Variants in HTR2C observed in about 807,000 individuals in gnomAD.
HTR2C encodes 5-hydroxytryptamine (serotonin) receptor 2C, G protein-coupled.
In HTR2C, 5 loss-of-function variants were observed where a neutral mutation model predicts 21.0. The observed-to-expected ratio is 0.24, with a 90% CI of 0.12 to 0.50. The LOEUF (loss-of-function observed/expected upper bound fraction) is 0.50. Among genes scored for constraint, HTR2C ranks in the 20% least tolerant of loss-of-function variants. The pLI is 0.98. For missense variants in HTR2C, 271 were observed against 371.2 expected, an observed-to-expected ratio of 0.73 and a Z score of 2.22; for synonymous variants, 150 against 145.3, an observed-to-expected ratio of 1.03 and a Z score of -0.23.
chrX:114,857,967 C>G (rs2070976445), intron 5 of HTR2C, among the ~76,000 whole-genome samples: 1 of 111,078 alleles, frequency 9.0e-6, no homozygotes, highest in Non-Finnish European at 1.9e-5. Flanking sequence ...AAAGATTATT[C>G]TTGCCTACCG....
intron 2 of HTR2C, among the ~76,000 whole-genome samples, chrX:114,693,429 A>G (rs1030947687): frequency 8.9e-6 from 1 of 112,010 alleles, no homozygotes; most frequent in Non-Finnish European, 1.9e-5. Flanking sequence ...TGAAACTTAC[A>G]TAATTGGATA....
chrX:114,724,769 T>G (rs1933381701), intron 2 of HTR2C, among the ~76,000 whole-genome samples: 1 of 101,034 alleles, frequency 9.9e-6, no homozygotes. Context: ...TGTCCTTCAC[T>G]TATGAAGCTT....
intron 4 of HTR2C, among the ~76,000 whole-genome samples, chrX:114,784,064 A>C (rs1423691208): frequency 4.6e-5 from 5 of 109,807 alleles, no homozygotes; most frequent in Non-Finnish European, 9.5e-5. Flanking sequence ...GAATGGAGAC[A>C]ATGATAAAGA....
At chrX:114,590,425 G>C (rs956754186) in intron 1 of HTR2C, among the ~76,000 whole-genome samples, 2 of 111,688 alleles carry the variant, frequency 1.8e-5, no homozygotes, top group African/African-American at 3.3e-5. Flanking sequence ...TCTATATTCT[G>C]TCTGATCTTC....
At chrX:114,791,766 GAC>G (rs782747297) in intron 4 of HTR2C, among the ~76,000 whole-genome samples, 2 of 108,921 alleles carry the variant, frequency 1.8e-5, no homozygotes, top group African/African-American at 6.6e-5. Context: ...TAAACACACA[GAC>G]ACACACACAC....
intron 2 of HTR2C, among the ~76,000 whole-genome samples, chrX:114,655,013 A>G (rs1930731081): frequency 9.3e-6 from 1 of 107,461 alleles, no homozygotes; most frequent in Non-Finnish European, 1.9e-5. Context: ...AAAACACATT[A>G]CCAGGACTAG....
rs782218549 is a variant in HTR2C at position 114,840,933 on chromosome X, A to G, written c.350-7070A>G. Among the ~76,000 whole-genome samples the G allele has an allele frequency of 2.5e-4, 28 of 111,755 alleles. No individual in the cohort carries two copies. In the South Asian group the frequency reaches 9.8e-3, roughly 39 times the overall value. On this transcript the variant is annotated intron_variant, in intron 4 of 5. Transcript: ENST00000276198. ...ATACAAGATCTCTTACTAATGGACA[A>G]TAATGTTCACATTAAAAGTAGAGGG...
At chrX:114,723,583 T>G (rs1481917253) in intron 2 of HTR2C, among the ~76,000 whole-genome samples, 2 of 108,098 alleles carry the variant, frequency 1.9e-5, no homozygotes, top group African/African-American at 6.7e-5. Flanking sequence ...GCTCTTGCTT[T>G]TCTAGTTCTT....
chrX:114,757,023 A>C (rs1450202657), intron 4 of HTR2C, among the ~76,000 whole-genome samples: 5 of 111,486 alleles, frequency 4.5e-5, no homozygotes, highest in Non-Finnish European at 9.4e-5. Context: ...TGATCTCTCT[A>C]GTGAGGAATA....
intron 4 of HTR2C, among the ~76,000 whole-genome samples, chrX:114,757,969 A>G (rs1172584540): frequency 9.0e-6 from 1 of 111,009 alleles, no homozygotes; most frequent in Non-Finnish European, 1.9e-5. Flanking sequence ...ACACACATAC[A>G]CACAAACACA....
chrX:114,613,128 G>A (rs1402414280), intron 1 of HTR2C, among the ~76,000 whole-genome samples: 1 of 109,553 alleles, frequency 9.1e-6, no homozygotes, highest in East Asian at 2.9e-4. Context: ...TAGTAGAGAC[G>A]GGGTTTGATC....
At position 114,692,069 on chromosome X, in the gene HTR2C, T is replaced by A. The variant is rs782020770; in HGVS notation, c.-79-34789T>A. On this transcript the variant is annotated intron_variant, in intron 2 of 5. Transcript: ENST00000276198. ...TATCAATTTTTCTCTTCAGAAGAAT[T>A]TTTATACTTCAGAAGTATTTAGTTT... 6.2e-5 allele frequency among the ~76,000 whole-genome samples: 7 copies of A among 112,056 alleles called. No individual in the cohort carries two copies. In the South Asian group the frequency reaches 2.5e-3, roughly 41 times the overall value.
At chrX:114,851,903 T>C (rs1412839052) in intron 5 of HTR2C, among the ~76,000 whole-genome samples, 12 of 111,251 alleles carry the variant, frequency 1.1e-4, no homozygotes, top group Non-Finnish European at 1.9e-4. Flanking sequence ...ATACCTTTAA[T>C]CCCAATTCAC....
intron 2 of HTR2C, among the ~76,000 whole-genome samples, chrX:114,639,186 T>C (rs1271356947): frequency 8.9e-6 from 1 of 112,335 alleles, no homozygotes; most frequent in African/African-American, 3.2e-5. Context: ...ATAAATATTT[T>C]GATCAAATTT....
intron 4 of HTR2C, among the ~76,000 whole-genome samples, chrX:114,753,686 C>T (rs1425482725): frequency 1.8e-5 from 2 of 111,740 alleles, no homozygotes; most frequent in Admixed American, 1.9e-4. Context: ...TATTTACTAT[C>T]ACTTAAAATA....
Position 114,806,717 on chromosome X carries a change from T to C in HTR2C, c.350-41286T>C, listed in dbSNP as rs189817019. ...ACACCATATATACACACCATATAGATATATACACCATATATATACACACCA... is the reference window on the plus strand; with the variant it reads ...ACACCATATATACACACCATATAGACATATACACCATATATATACACACCA... On this transcript the variant is annotated intron_variant, in intron 4 of 5. Transcript: ENST00000276198. Among the ~76,000 whole-genome samples the C allele has an allele frequency of 5.6e-3, 465 of 83,727 alleles. 4 individuals are homozygous for C. The highest frequency in any genetic ancestry group is 0.019 in the African/African-American group (445 of 22,845). 72.7% of individuals were successfully genotyped at this position (83,727 alleles called of 115,157 possible).
At chrX:114,769,549 A>G (rs945630883) in intron 4 of HTR2C, among the ~76,000 whole-genome samples, 1 of 111,124 alleles carries the variant, frequency 9.0e-6, no homozygotes, top group Non-Finnish European at 1.9e-5. Flanking sequence ...ATGTTAGGCA[A>G]CCATCAACTT....
intron 1 of HTR2C, among the ~76,000 whole-genome samples, chrX:114,592,633 T>G (rs1334681090): frequency 8.9e-6 from 1 of 112,251 alleles, no homozygotes; most frequent in Non-Finnish European, 1.9e-5. Context: ...GTGGATAACT[T>G]TTCTTAATTA....
chrX:114,694,140 G>A (rs1380385217), intron 2 of HTR2C, among the ~76,000 whole-genome samples: 1 of 110,390 alleles, frequency 9.1e-6, no homozygotes, highest in Non-Finnish European at 1.9e-5. Flanking sequence ...TTTTCCCTGG[G>A]AAAATAATAT....
Sources: gnomAD v4.1 joint callset for allele counts (sites outside exome capture counted in the v4.1 genomes callset) on GRCh38, gnomAD v4.1.1 for gene constraint, MANE v1.5 for transcripts, NCBI Gene and HGNC (gene_info 2026-07-23, HGNC 2026-07-21) for gene names.